The following L3MBTL4 variants were observed in gnomAD, a reference collection of about 807,000 sequenced individuals.
The protein encoded by L3MBTL4 is L3MBTL histone methyl-lysine binding protein 4.
L3MBTL4 carries 70 observed loss-of-function variants against 84.5 expected under a neutral mutation model. That is an observed-to-expected ratio of 0.83 (90% CI 0.68 to 1.01). L3MBTL4 has a LOEUF of 1.01. Among genes scored for constraint, L3MBTL4 ranks in the 50% least tolerant of loss-of-function variants. The pLI is 0.00. For missense variants in L3MBTL4, 715 were observed against 754.8 expected (o/e 0.95, Z 0.62); for synonymous variants, 274 against 259.8 (o/e 1.05, Z -0.52).
intron 14 of L3MBTL4, among the ~76,000 whole-genome samples, chr18:6,131,382 T>C (rs1198110102): frequency 1.3e-5 from 2 of 152,190 alleles, no homozygotes; most frequent in African/African-American, 2.4e-5. Flanking sequence ...GCTTGGTCTT[T>C]TGTTCTGTTG....
rs1432814215 is a variant in L3MBTL4, at chr18:6,005,339, C to T, written c.1445-35777G>A. ...CCAGCCTGGGCGACACAGTGAGACA[C>T]TGTCTCACAAACACAACAAAAAGGA... On this transcript the variant is annotated intron_variant, in intron 16 of 18. Transcript: ENST00000317931. Among the ~76,000 whole-genome samples the T allele has an allele frequency of 5.1e-5, 3 of 58,312 alleles. No individual in the cohort carries two copies. In the East Asian group the frequency reaches 8.0e-4, roughly 16 times the overall value. 38.3% of individuals were successfully genotyped at this position (58,312 alleles called of 152,430 possible).
At chr18:6,039,541 A>C (rs2056306074) in intron 16 of L3MBTL4, among the ~76,000 whole-genome samples, 1 of 151,810 alleles carries the variant, frequency 6.6e-6, no homozygotes, top group South Asian at 2.1e-4. Flanking sequence ...TTTCTTTTGG[A>C]TATTTCTCTT....
At chr18:6,042,283 C>G (rs1295059805) in intron 16 of L3MBTL4, among the ~76,000 whole-genome samples, 1 of 152,128 alleles carries the variant, frequency 6.6e-6, no homozygotes, top group Admixed American at 6.5e-5. Flanking sequence ...AGTTCAACCT[C>G]TCCTTCTCAC....
chr18:6,192,014 AAAAGAAAG>A (rs199763832), intron 12 of L3MBTL4, among the ~76,000 whole-genome samples: 22 of 150,344 alleles, frequency 1.5e-4, no homozygotes, highest in African/African-American at 5.5e-4. Flanking sequence ...CTCAAAAAAA[AAAAGAAAG>A]AAAGAAAGAA....
chr18:6,075,816 G>A (rs1343795487), intron 16 of L3MBTL4, among the ~76,000 whole-genome samples: 2 of 152,026 alleles, frequency 1.3e-5, no homozygotes, highest in African/African-American at 2.4e-5. Flanking sequence ...AATAAAAAAA[G>A]ACAATGTAAA....
intron 18 of L3MBTL4, among the ~76,000 whole-genome samples, chr18:5,959,684 C>A (rs1407727471): frequency 6.6e-6 from 1 of 152,122 alleles, no homozygotes; most frequent in Non-Finnish European, 1.5e-5. Flanking sequence ...AGGATTCCTG[C>A]CTTCCCGCAA....
At chr18:6,396,102 G>A (rs957748002) in intron 1 of L3MBTL4, 3 of 152,184 alleles carry the variant, frequency 2.0e-5, no homozygotes, top group Non-Finnish European at 4.4e-5. Context: ...AATGAAGCTA[G>A]CCACATTCTG....
intron 4 of L3MBTL4, among the ~76,000 whole-genome samples, chr18:6,281,657 T>C (rs1312000697): frequency 6.6e-6 from 1 of 152,192 alleles, no homozygotes; most frequent in Non-Finnish European, 1.5e-5. Flanking sequence ...TAGAATTTTC[T>C]TGTGAAATTA....
chr18:6,216,316 A>C (rs79992611), intron 10 of L3MBTL4, among the ~76,000 whole-genome samples: 5,361 of 152,310 alleles, frequency 0.035, 325 homozygotes, highest in African/African-American at 0.12. Context: ...CAATTTCCTA[A>C]AATTGCAGTT....
chr18:6,202,263 A>G (rs1171648438), intron 12 of L3MBTL4, among the ~76,000 whole-genome samples: 3 of 152,164 alleles, frequency 2.0e-5, no homozygotes, highest in Non-Finnish European at 4.4e-5. Context: ...TCTTCATTCA[A>G]GCAAACTCTG....
intron 16 of L3MBTL4, among the ~76,000 whole-genome samples, chr18:5,999,578 A>G (rs1392067455): frequency 6.6e-6 from 1 of 152,236 alleles, no homozygotes; most frequent in Non-Finnish European, 1.5e-5. Context: ...GGCTGTGAGC[A>G]TTTCTCCTCA....
chr18:6,285,197 T>G (rs1017875458), intron 4 of L3MBTL4, among the ~76,000 whole-genome samples: 1 of 152,112 alleles, frequency 6.6e-6, no homozygotes, highest in Non-Finnish European at 1.5e-5. Context: ...GGCAGCCGGA[T>G]GGTGGAGCCC....
intron 14 of L3MBTL4, among the ~76,000 whole-genome samples, chr18:6,112,587 A>T (rs1374476350): frequency 6.6e-6 from 1 of 152,178 alleles, no homozygotes; most frequent in Non-Finnish European, 1.5e-5. Context: ...TAAGCGCAGG[A>T]TGTCCCTATT....
intron 13 of L3MBTL4, among the ~76,000 whole-genome samples, chr18:6,157,091 A>T (rs1321695171): frequency 4.6e-5 from 7 of 152,214 alleles, no homozygotes; most frequent in Non-Finnish European, 7.3e-5. Flanking sequence ...TTTTTTCTCG[A>T]TAAGTCTATC....
intron 10 of L3MBTL4, among the ~76,000 whole-genome samples, chr18:6,217,326 A>G (rs1329708706): frequency 6.6e-6 from 1 of 152,130 alleles, no homozygotes; most frequent in Non-Finnish European, 1.5e-5. Flanking sequence ...CCTCGCTTCC[A>G]ACCACAGAGA....
At chr18:5,958,041 GAGGAGAAGGAGA>G (rs1385982951) in intron 18 of L3MBTL4, among the ~76,000 whole-genome samples, 12 of 135,936 alleles carry the variant, frequency 8.8e-5, no homozygotes, top group African/African-American at 1.5e-4. Context: ...GGAGGAGGAG[GAGGAGAAGGAGA>G]AGGAGAAGGA....
intron 16 of L3MBTL4, among the ~76,000 whole-genome samples, chr18:6,008,700 T>G (rs938997485): frequency 6.6e-6 from 1 of 152,178 alleles, no homozygotes; most frequent in African/African-American, 2.4e-5. Flanking sequence ...ACACATGAAT[T>G]TGGGAAAACA....
chr18:6,212,829 G>A lies in L3MBTL4; in HGVS notation c.981+320C>T, dbSNP rs568666255. On this transcript the variant is annotated intron_variant, in intron 12 of 18. Transcript: ENST00000317931. ...GATTTCCCCCTGCACATACACATAA[G>A]CTGGGAATCACTCCATCCAAAGACA... 1.3e-5 allele frequency among the ~76,000 whole-genome samples: 2 copies of A among 152,270 alleles called. 1 individual carries two copies. Among genetic ancestry groups the A allele is most frequent in the South Asian group, 4.1e-4 (2 of 4,830 alleles).
intron 8 of L3MBTL4, among the ~76,000 whole-genome samples, 191 bp downstream of exon 8, chr18:6,241,167 T>C (rs2047434261): frequency 6.6e-6 from 1 of 152,204 alleles, no homozygotes; most frequent in Non-Finnish European, 1.5e-5. Flanking sequence ...TTGAAGTATT[T>C]AATTATACTT....
Sources: gnomAD v4.1 joint callset for allele counts (sites outside exome capture counted in the v4.1 genomes callset) on GRCh38, gnomAD v4.1.1 for gene constraint, MANE v1.5 for transcripts, NCBI Gene and HGNC (gene_info 2026-07-23, HGNC 2026-07-21) for gene names.